KDM1B: variants seen among roughly 807,000 people sequenced by gnomAD.
KDM1B encodes lysine-specific histone demethylase 2.
Under a neutral mutation model 107.4 loss-of-function variants are expected in KDM1B, and 63 were observed. That is an observed-to-expected ratio of 0.59 (90% CI 0.48 to 0.72). The LOEUF (loss-of-function observed/expected upper bound fraction) is 0.72. Among genes scored for constraint, KDM1B ranks in the 30% least tolerant of loss-of-function variants. The pLI is 0.00. For missense variants in KDM1B, 749 were observed against 1,020.8 expected (o/e 0.73, Z 3.63); for synonymous variants, 363 against 363.9 (o/e 1.00, Z 0.03).
At chr6:18,206,861 A>G (rs1788410339) in intron 15 of KDM1B, among the ~76,000 whole-genome samples, 1 of 152,192 alleles carries the variant, frequency 6.6e-6, no homozygotes. Context: ...ACCTTGTTAA[A>G]GTAAATTTAA....
chr6:18,194,783 A>G (rs1582160075), intron 10 of KDM1B, among the ~76,000 whole-genome samples: 1 of 151,874 alleles, frequency 6.6e-6, no homozygotes, highest in Non-Finnish European at 1.5e-5. Context: ...GATTACAGGC[A>G]TGAGCCACCG....
chr6:18,199,591 C>T (rs943998171), intron 12 of KDM1B, among the ~76,000 whole-genome samples: 7 of 152,130 alleles, frequency 4.6e-5, no homozygotes, highest in Non-Finnish European at 1.0e-4. Context: ...CCAAGAGCAG[C>T]TTCTCATGCC....
intron 7 of KDM1B, among the ~76,000 whole-genome samples, chr6:18,179,375 G>A (rs182530275): frequency 5.3e-5 from 8 of 152,062 alleles, no homozygotes; most frequent in Admixed American, 1.3e-4. Flanking sequence ...TAACCTTGTC[G>A]GGTTCTGCTT....
chr6:18,163,620 T>A (rs1468317051), intron 5 of KDM1B, among the ~76,000 whole-genome samples: 1 of 152,228 alleles, frequency 6.6e-6, no homozygotes, highest in African/African-American at 2.4e-5. Flanking sequence ...TTTGACAACT[T>A]TTATTTTAAT....
intron 9 of KDM1B, among the ~76,000 whole-genome samples, chr6:18,190,583 C>T (rs1051484448): frequency 6.0e-5 from 9 of 150,986 alleles, no homozygotes; most frequent in Admixed American, 2.6e-4. Context: ...GCCAGGGCGA[C>T]AGAGTGAGAC....
At chr6:18,175,477 C>A (rs1354454338) in intron 7 of KDM1B, among the ~76,000 whole-genome samples, 1 of 152,112 alleles carries the variant, frequency 6.6e-6, no homozygotes, top group Non-Finnish European at 1.5e-5. Context: ...TGCAAAAGCT[C>A]TTTAAAGTCC....
intron 10 of KDM1B, among the ~76,000 whole-genome samples, chr6:18,195,347 A>C (rs558000367): frequency 7.3e-4 from 111 of 152,338 alleles, no homozygotes; most frequent in African/African-American, 2.3e-3. Flanking sequence ...GAACCAAAAA[A>C]AGTTTCAAAC....
In KDM1B at chr6:18,201,733, T is replaced by C; in HGVS notation, c.1531+76T>C. ...TAAGCTTCATCAGCAGTGGCATTGTTCATTTGCGAGGTCGGATGTCGGCAA... is the reference window on the plus strand; with the variant it reads ...TAAGCTTCATCAGCAGTGGCATTGTCCATTTGCGAGGTCGGATGTCGGCAA... On this transcript the variant is annotated intron_variant, in intron 14 of 21. Transcript: ENST00000650836. The surrounding 1 kb of genome is among the most constrained non-coding windows in gnomAD (Gnocchi z 4.3). 8.1e-7 allele frequency: 1 copy of C among 1,241,048 alleles called. No homozygotes were observed. Among genetic ancestry groups the C allele is most frequent in the African/African-American group, 1.5e-5 (1 of 65,784 alleles). 76.9% of individuals were successfully genotyped at this position (1,241,048 alleles called of 1,614,324 possible). A position where few individuals can be genotyped will look rare whatever the true frequency, so the allele number is the denominator to read the frequency against.
In KDM1B at chr6:18,213,436, C is replaced by CA. The variant is rs377185197; in HGVS notation, c.1984-206dup. ...GGGCAACAAGAGCGAAACTCCGTCT[C>CA]AAAAAAAAAAAAAACCCAAAAAACA... On this transcript the variant is annotated intron_variant, in intron 18 of 21. Transcript: ENST00000650836. This position sits in a 1 kb window ranked among gnomAD's most constrained non-coding sequence, Gnocchi z 5.9. 5.0e-3 allele frequency among the ~76,000 whole-genome samples: 490 copies of CA among 98,508 alleles called. No individual in the cohort carries two copies. Among genetic ancestry groups the CA allele is most frequent in the African/African-American group, 7.3e-3 (202 of 27,704 alleles). 64.6% of individuals were successfully genotyped at this position (98,508 alleles called of 152,430 possible).
chr6:18,158,774 G>T (rs967596178), intron 2 of KDM1B, among the ~76,000 whole-genome samples: 1 of 152,102 alleles, frequency 6.6e-6, no homozygotes, highest in Admixed American at 6.5e-5. Context: ...TTTCATAGCT[G>T]CTACACATTA....
At position 18,213,986 on chromosome 6, in the gene KDM1B, T is replaced by C. The variant is rs556047678; in HGVS notation, c.2109+205T>C. Among the ~76,000 whole-genome samples, 9 of 152,174 alleles carry C rather than the reference T, an allele frequency of 5.9e-5. No homozygotes were observed. The highest frequency in any genetic ancestry group is 1.3e-4 in the Non-Finnish European group (9 of 68,030). On this transcript the variant is annotated intron_variant, in intron 19 of 21. Coordinates refer to ENST00000650836, the MANE Select transcript of KDM1B (RefSeq NM_001364614.2). The surrounding 1 kb of genome is among the most constrained non-coding windows in gnomAD (Gnocchi z 5.9). The stretch of plus-strand genomic sequence containing the variant: ...TTGCCATGTCTTCTTAAAGTCCTCA[T>C]GTTGCTCCCTGGGACATGAATTGGA...
Position 18,166,376 on chromosome 6 carries a change from T to C in KDM1B, c.415T>C (p.Trp139Arg). ...CATGGCAGACCAGCAACTCCCCTAC[T>C]GGGTAAGGAGAGTGATGCTCTCTGT... ...AFMADQQLPY[W>R]VQCTKPECRK... is the part of the protein sequence containing the mutation. Residue 139 changes from tryptophan to arginine, a missense_variant and splice_region_variant, in exon 6 of 22, where the codon TGG (tryptophan) becomes CGG (arginine). Coordinates refer to ENST00000650836, the MANE Select transcript of KDM1B (RefSeq NM_001364614.2). The C allele has an allele frequency of 6.3e-7, 1 of 1,580,918 alleles. No homozygotes were observed. Among genetic ancestry groups the C allele is most frequent in the Non-Finnish European group, 8.7e-7 (1 of 1,149,750 alleles).
chr6:18,167,194 A>C (rs192720101), intron 6 of KDM1B, among the ~76,000 whole-genome samples: 22 of 151,724 alleles, frequency 1.5e-4, no homozygotes, highest in African/African-American at 4.8e-4. Context: ...GTCTCTACTA[A>C]AAAAATACAA....
At chr6:18,165,028 A>T (rs1482556014) in intron 5 of KDM1B, among the ~76,000 whole-genome samples, 1 of 151,128 alleles carries the variant, frequency 6.6e-6, no homozygotes, top group Admixed American at 6.6e-5. Context: ...TATGCTATTC[A>T]TGTTTTAAGT....
At position 18,197,797 on chromosome 6, in the gene KDM1B, A is replaced by G. The variant is rs2150962109; in HGVS notation, c.1221+136A>G. On this transcript the variant is annotated intron_variant, in intron 12 of 21. Coordinates refer to ENST00000650836, the MANE Select transcript of KDM1B (RefSeq NM_001364614.2). The surrounding 1 kb of genome is among the most constrained non-coding windows in gnomAD (Gnocchi z 4.5). ...TTATATGTTTATATTAGGTCCTAGA[A>G]AAGTTATAAAACTTGAAATTGATTT... 1.8e-6 allele frequency: 1 copy of G among 544,450 alleles called. No individual in the cohort carries two copies. The highest frequency in any genetic ancestry group is 2.9e-4 in the Middle Eastern group (1 of 3,392). 33.7% of individuals were successfully genotyped at this position (544,450 alleles called of 1,614,324 possible).
rs756585662 is a variant in KDM1B at position 18,161,347 on chromosome 6, G to C, written c.108G>C (p.Glu36Asp). The change falls in exon 4 of 22, where the codon GAG (glutamate) becomes GAC (aspartate). Residue 36 changes from glutamate to aspartate, a missense_variant. Physicochemically the swap from Glu to Asp is conservative, Grantham distance 45. Transcript: ENST00000650836. ...CTTAGGCGAAGAAGAAAGCAACAGA[G>C]ACAACAGATGAGGATGAAGATGGTG... ...SGRQAKKKAT[E>D]TTDEDEDGGS... The C allele has an allele frequency of 6.2e-7, 1 of 1,613,960 alleles. No homozygotes were observed. Among genetic ancestry groups the C allele is most frequent in the South Asian group, 1.1e-5 (1 of 91,074 alleles).
rs199594945 is a variant in KDM1B, at chr6:18,169,233, A to AT, written c.418-2130_418-2129insT. On this transcript the variant is annotated intron_variant, in intron 6 of 21. Transcript: ENST00000650836. ...GAGTTGTAAGAATTATATATATATA[A>AT]ATTTTTTTTTTTTTTTTGAGATGGA... Among the ~76,000 whole-genome samples, 93 of 132,846 alleles carry AT rather than the reference A, an allele frequency of 7.0e-4. 4 individuals carry two copies. The highest frequency in any genetic ancestry group is 3.3e-3 in the South Asian group (14 of 4,182). 87.2% of individuals were successfully genotyped at this position (132,846 alleles called of 152,430 possible).
At chr6:18,161,766 G>A (rs1300386797) in intron 4 of KDM1B, among the ~76,000 whole-genome samples, 1 of 152,052 alleles carries the variant, frequency 6.6e-6, no homozygotes, top group Non-Finnish European at 1.5e-5. Flanking sequence ...TGAGACAGTA[G>A]AGAGAACTCA....
chr6:18,180,347 GA>G (rs1332474721), intron 7 of KDM1B, among the ~76,000 whole-genome samples: 1 of 152,070 alleles, frequency 6.6e-6, no homozygotes, highest in Admixed American at 6.6e-5. Flanking sequence ...ACTTGACAAT[GA>G]AAAGTTGACT....
Sources: gnomAD v4.1 joint callset for allele counts (sites outside exome capture counted in the v4.1 genomes callset) on GRCh38, gnomAD v4.1.1 for gene constraint, Gnocchi (gnomAD v3.1) non-coding constraint, MANE v1.5 for transcripts, NCBI Gene and HGNC (gene_info 2026-07-23, HGNC 2026-07-21) for gene names.